Variants in CABP1 observed in about 807,000 individuals in gnomAD.
The protein encoded by CABP1 is calcium binding protein 1, also known as calcium-binding protein 1.
A neutral mutation model predicts 34.3 loss-of-function variants in CABP1; 17 were observed. The observed-to-expected ratio is 0.50, with a 90% CI of 0.34 to 0.74. The LOEUF (loss-of-function observed/expected upper bound fraction) is 0.74. Among genes scored for constraint, CABP1 ranks in the 30% least tolerant of loss-of-function variants. The pLI, the probability that CABP1 is intolerant of heterozygous loss-of-function variation, is 0.01. For synonymous variants in CABP1, 198 were observed against 229.2 expected (o/e 0.86, Z 1.23); for missense variants, 373 against 511.1 (o/e 0.73, Z 2.61).
At position 120,667,129 on chromosome 12, in the gene CABP1, C is replaced by A. The variant is rs1010497504; in HGVS notation, c.*229C>A. The A allele has an allele frequency of 3.4e-6, 2 of 595,774 alleles. No homozygotes were observed. Among genetic ancestry groups the A allele is most frequent in the African/African-American group, 1.9e-5 (1 of 53,526 alleles). The allele number at this position is 595,774 out of a possible 1,614,324, so 36.9% of individuals were successfully genotyped here. ...CCCGCCGACGAGGAGGCCACCGTGC[C>A]AAGCCGGCAGAGGTCATGCCAGGCG... is the stretch of plus-strand genomic sequence containing the variant. On this transcript the variant is annotated 3_prime_UTR_variant, in exon 6 of 6. Coordinates refer to ENST00000316803, the MANE Select transcript of CABP1 (RefSeq NM_001033677.2).
At chr12:120,659,930 G>A (rs1413306888) in intron 2 of CABP1, 22 bp downstream of exon 2, 28 of 1,612,216 alleles carry the variant, frequency 1.7e-5, no homozygotes, top group Non-Finnish European at 2.2e-5. Context: ...CCCCTTGGGG[G>A]AAAGGACTGC....
At chr12:120,644,003 T>A (rs1341556947) in intron 1 of CABP1, among the ~76,000 whole-genome samples, 1 of 152,150 alleles carries the variant, frequency 6.6e-6, no homozygotes, top group Non-Finnish European at 1.5e-5. Context: ...GGATGAAAAC[T>A]CTCCCAGTGA....
At chr12:120,655,851 GCGCA>G in intron 1 of CABP1, 1 of 1,382,480 alleles carries the variant, frequency 7.2e-7, no homozygotes, top group Non-Finnish European at 9.5e-7. Context: ...GTGTGTGTGT[GCGCA>G]TGTGCCACAC....
chr12:120,677,660 G>C, the CABP1 span, among the ~76,000 whole-genome samples: 1 of 152,136 alleles, frequency 6.6e-6, no homozygotes, highest in Non-Finnish European at 1.5e-5. Context: ...ACCTGCCTCA[G>C]CCTCCTGAAG....
At chr12:120,652,672 G>A (rs1158840291) in intron 1 of CABP1, among the ~76,000 whole-genome samples, 2 of 152,072 alleles carry the variant, frequency 1.3e-5, no homozygotes, top group Non-Finnish European at 2.9e-5. Flanking sequence ...CCAAATTCCC[G>A]CTCAGCGCAT....
At position 120,640,956 on chromosome 12, in the gene CABP1, GC is replaced by G; in HGVS notation, c.274del (p.Arg92GlyfsTer184). 1 of 1,139,964 alleles carries G rather than the reference GC, an allele frequency of 8.8e-7. No individual in the cohort carries two copies. The highest frequency in any genetic ancestry group is 4.4e-5 in the East Asian group (1 of 22,748). 70.6% of individuals were successfully genotyped at this position (1,139,964 alleles called of 1,614,324 possible). A position where few individuals can be genotyped will look rare whatever the true frequency, so the allele number is the denominator to read the frequency against. ...CAGCCGGGCTCCCCGCCACGGCCCT[GC>G]CCGGGACCCGGGGCTGCCTAGCCGC... ...GGSRAPRHGPARDPGLPSRRL... is the reference protein window; with the variant it reads ...GGSRAPRHGPXRDPGLPSRRL... On this transcript the variant is annotated frameshift_variant, in exon 1 of 6. Transcript: ENST00000316803. LOFTEE classifies it high-confidence loss of function. The surrounding 1 kb of genome is among the most constrained non-coding windows in gnomAD (Gnocchi z 6.2).
At chr12:120,677,420 A>T in the CABP1 span, among the ~76,000 whole-genome samples, 3 of 108,538 alleles carry the variant, frequency 2.8e-5, no homozygotes, top group Admixed American at 1.1e-4. Flanking sequence ...TTTTTGAGAC[A>T]GAGTCTCACT....
At chr12:120,666,846 G>T in intron 5 of CABP1, 29 bp from the exon 6 acceptor site, 1 of 1,597,126 alleles carries the variant, frequency 6.3e-7, no homozygotes, top group Admixed American at 1.7e-5. Context: ...GCTGCTGCTT[G>T]CTCCCCAGCT....
chr12:120,667,058 C>G lies in CABP1; in HGVS notation c.*158C>G, dbSNP rs968951930. ...AGGCGCCCACCCCGGACCCCCACCC[C>G]TCCGCACTGTGAAAGACTAACTCCT... On this transcript the variant is annotated 3_prime_UTR_variant, in exon 6 of 6. Transcript: ENST00000316803. 4 of 791,906 alleles carry G rather than the reference C, an allele frequency of 5.1e-6. No individual in the cohort carries two copies. The highest frequency in any genetic ancestry group is 8.0e-6 in the Non-Finnish European group (4 of 498,048). 49.1% of individuals were successfully genotyped at this position (791,906 alleles called of 1,614,324 possible). A position where few individuals can be genotyped will look rare whatever the true frequency, so the allele number is the denominator to read the frequency against.
At chr12:120,665,558 C>T (rs769043636) in intron 5 of CABP1, among the ~76,000 whole-genome samples, 3 of 152,110 alleles carry the variant, frequency 2.0e-5, no homozygotes, top group Non-Finnish European at 4.4e-5. Context: ...CTGTGGTCTC[C>T]AGGTGATAAC....
chr12:120,647,344 A>G (rs1027805681), intron 1 of CABP1, among the ~76,000 whole-genome samples: 2 of 151,938 alleles, frequency 1.3e-5, no homozygotes, highest in South Asian at 2.1e-4. Context: ...AGAAAGATCA[A>G]CATGTCCTCT....
the CABP1 span, among the ~76,000 whole-genome samples, chr12:120,676,164 T>C: frequency 6.6e-6 from 1 of 152,220 alleles, no homozygotes; most frequent in Non-Finnish European, 1.5e-5. Flanking sequence ...TAGCCATATG[T>C]GACTATTTAA....
intron 1 of CABP1, among the ~76,000 whole-genome samples, chr12:120,643,283 T>G (rs1879420435): frequency 6.6e-6 from 1 of 152,204 alleles, no homozygotes; most frequent in Non-Finnish European, 1.5e-5. Context: ...GGCTTCCATC[T>G]GACACCTCGA....
the CABP1 span, among the ~76,000 whole-genome samples, chr12:120,677,086 T>G: frequency 9.1e-6 from 1 of 110,260 alleles, no homozygotes; most frequent in African/African-American, 5.0e-5. Flanking sequence ...AGTTTGTGGT[T>G]TTTTTTTTTT....
chr12:120,649,269 C>T lies in CABP1; in HGVS notation c.654+7930C>T, dbSNP rs3809310. Among the ~76,000 whole-genome samples, 3,220 of 152,240 alleles carry T rather than the reference C, an allele frequency of 0.021. 185 individuals carry two copies. The East Asian group carries it at 0.24, about 11-fold the overall frequency. On this transcript the variant is annotated intron_variant, in intron 1 of 5. Transcript: ENST00000316803. ...AGGAGTTCTGAGCAGCCCCCCCACA[C>T]GGGAGAAAAGTTCCTGGGAAAGGAG...
chr12:120,657,569 C>A (rs1397203952), intron 1 of CABP1, among the ~76,000 whole-genome samples: 3 of 152,146 alleles, frequency 2.0e-5, no homozygotes, highest in Non-Finnish European at 4.4e-5. Context: ...TCCACCTGAC[C>A]CTGAGTTGCT....
Position 120,666,945 on chromosome 12 carries a change from G to A in CABP1, c.*45G>A. On this transcript the variant is annotated 3_prime_UTR_variant, in exon 6 of 6. Coordinates refer to ENST00000316803, the MANE Select transcript of CABP1 (RefSeq NM_001033677.2). ...GGACTGCCAAGCTCCCAAAGGCGGG[G>A]CTAAGAGGAGCTAGAGCTTGCCTCA... 6.4e-7 allele frequency: 1 copy of A among 1,573,634 alleles called. No homozygotes were observed.
intron 1 of CABP1, among the ~76,000 whole-genome samples, chr12:120,654,576 G>A (rs1384137493): frequency 6.6e-6 from 1 of 152,224 alleles, no homozygotes; most frequent in Admixed American, 6.5e-5. Flanking sequence ...AGCTCCTGTC[G>A]CTCCTTGGGA....
At chr12:120,675,270 C>G in the CABP1 span, among the ~76,000 whole-genome samples, 2 of 152,276 alleles carry the variant, frequency 1.3e-5, no homozygotes, top group African/African-American at 4.8e-5. Context: ...CCAGGCTGGA[C>G]TCAAACTCCT....
Sources: gnomAD v4.1 joint callset for allele counts (sites outside exome capture counted in the v4.1 genomes callset) on GRCh38, gnomAD v4.1.1 for gene constraint, Gnocchi (gnomAD v3.1) non-coding constraint, MANE v1.5 for transcripts, NCBI Gene and HGNC (gene_info 2026-07-23, HGNC 2026-07-21) for gene names.